Variants in VPS13D observed in about 807,000 individuals in gnomAD.
The protein encoded by VPS13D is intermembrane lipid transfer protein VPS13D.
VPS13D carries 187 observed loss-of-function variants against 461.9 expected under a neutral mutation model. The ratio of observed to expected loss-of-function variants is 0.40; its 90% confidence interval spans 0.36 to 0.46. The LOEUF (loss-of-function observed/expected upper bound fraction) is 0.46. Ranked by LOEUF, VPS13D falls within the 20% of genes least tolerant of loss-of-function variation. The pLI is 0.60. For synonymous variants in VPS13D, 1,951 were observed against 1,986.3 expected (o/e 0.98, Z 0.47); for missense variants, 4,711 against 5,364.9 (o/e 0.88, Z 3.81).
chr1:12,434,980 C>T (rs1429115616), intron 65 of VPS13D, among the ~76,000 whole-genome samples: 3 of 152,184 alleles, frequency 2.0e-5, no homozygotes, highest in Non-Finnish European at 4.4e-5. Flanking sequence ...GTAGGCTTGT[C>T]AGGCTTGCCA....
chr1:12,507,351 G>A lies in VPS13D; in HGVS notation c.13035+258G>A, dbSNP rs561456598. On this transcript the variant is annotated intron_variant, in intron 69 of 69. Transcript: ENST00000620676. This position sits in a 1 kb window ranked among gnomAD's most constrained non-coding sequence, Gnocchi z 5.3. ...GTTTGTGCCTCAGTTACCCGTAGAT[G>A]TAGTGAGGGTAACAATACTTACTCT... The A allele has an allele frequency of 2.0e-5, 14 of 703,292 alleles. No homozygotes were observed. Among genetic ancestry groups the A allele is most frequent in the South Asian group, 1.9e-4 (14 of 73,280 alleles). 43.6% of individuals were successfully genotyped at this position (703,292 alleles called of 1,614,324 possible).
chr1:12,261,298 T>C (rs1641100731), intron 12 of VPS13D, 149 bp downstream of exon 12: 9 of 927,642 alleles, frequency 9.7e-6, no homozygotes, highest in Non-Finnish European at 1.4e-5. Context: ...TTTTGGGAGA[T>C]ACTCCATTTG....
chr1:12,384,044 T>C (rs754345224), intron 58 of VPS13D, among the ~76,000 whole-genome samples: 20 of 152,106 alleles, frequency 1.3e-4, no homozygotes, highest in Non-Finnish European at 2.5e-4. Context: ...AATGGCATGA[T>C]TAGAAAATTG....
intron 13 of VPS13D, among the ~76,000 whole-genome samples, chr1:12,262,807 G>A (rs942094388): frequency 7.9e-5 from 12 of 151,708 alleles, no homozygotes; most frequent in Admixed American, 5.9e-4. Flanking sequence ...GGGTTCAAGC[G>A]ATTTTCCTGC....
chr1:12,298,271 T>A (rs1009158994), intron 24 of VPS13D, among the ~76,000 whole-genome samples: 12 of 152,180 alleles, frequency 7.9e-5, no homozygotes, highest in African/African-American at 2.9e-4. Context: ...GTTTTATCTT[T>A]TAAAATAACC....
At chr1:12,312,259 G>C (rs1642773243) in intron 29 of VPS13D, among the ~76,000 whole-genome samples, 1 of 152,208 alleles carries the variant, frequency 6.6e-6, no homozygotes, top group African/African-American at 2.4e-5. Context: ...AGCAGCTAGT[G>C]TTTTGATGTG....
At chr1:12,428,843 T>A (rs887673710) in intron 65 of VPS13D, among the ~76,000 whole-genome samples, 1 of 152,198 alleles carries the variant, frequency 6.6e-6, no homozygotes, top group Non-Finnish European at 1.5e-5. Flanking sequence ...TTAGAAAATG[T>A]TTTCTTCTTT....
intron 68 of VPS13D, among the ~76,000 whole-genome samples, chr1:12,503,700 A>C (rs910241621): frequency 1.3e-5 from 2 of 152,206 alleles, no homozygotes; most frequent in Admixed American, 6.5e-5. Context: ...ATAGCAGATC[A>C]GAGAACAGAA....
chr1:12,235,296 C>T (rs539266816), intron 2 of VPS13D, among the ~76,000 whole-genome samples: 9 of 152,196 alleles, frequency 5.9e-5, no homozygotes, highest in South Asian at 2.1e-4. Flanking sequence ...TGTTGCTTTC[C>T]GGCCAGGCGC....
chr1:12,310,352 T>C (rs941618515), intron 27 of VPS13D, among the ~76,000 whole-genome samples: 5 of 152,232 alleles, frequency 3.3e-5, no homozygotes, highest in Non-Finnish European at 7.3e-5. Context: ...CAAAATAACT[T>C]TTCTTATATA....
rs1641822289 is a variant in VPS13D at position 12,282,710 on chromosome 1, G to A, written c.4608G>A (p.Val1536=). ...TTTTTCTCTTTTCAATACAGGTGGT[G>A]TTAGCAAAGCATGTATATGAGCAGG... ...EGKFVNPVQV[V]LAKHVYEQVL... The change falls in exon 21 of 70, where the codon GTG becomes GTA. Residue 1536 remains valine, a synonymous_variant. Coordinates refer to ENST00000620676, the MANE Select transcript of VPS13D (RefSeq NM_015378.4). 6.3e-7 allele frequency: 1 copy of A among 1,599,746 alleles called. No homozygotes were observed. Among genetic ancestry groups the A allele is most frequent in the Non-Finnish European group, 8.6e-7 (1 of 1,169,370 alleles).
intron 49 of VPS13D, among the ~76,000 whole-genome samples, chr1:12,357,307 G>A (rs1021776391): frequency 1.1e-4 from 16 of 152,216 alleles, no homozygotes; most frequent in African/African-American, 2.4e-4. Flanking sequence ...GTAGATTACC[G>A]TTTGAGGCAT....
chr1:12,425,054 C>G (rs1347153901), intron 65 of VPS13D, among the ~76,000 whole-genome samples: 1 of 152,090 alleles, frequency 6.6e-6, no homozygotes, highest in African/African-American at 2.4e-5. Flanking sequence ...CAGTCTTTGG[C>G]CTTTCTTGAA....
intron 42 of VPS13D, 32 bp downstream of exon 42, chr1:12,343,083 A>G (rs1443771146): frequency 3.2e-6 from 5 of 1,562,840 alleles, no homozygotes; most frequent in Non-Finnish European, 4.4e-6. Context: ...TCTTTAAAAA[A>G]AAGAAAGTGG....
At position 12,283,595 on chromosome 1, in the gene VPS13D, C is replaced by CT; in HGVS notation, c.5499dup (p.Gly1834TrpfsTer16). 1 of 1,614,166 alleles carries CT rather than the reference C, an allele frequency of 6.2e-7. No individual in the cohort carries two copies. The highest frequency in any genetic ancestry group is 8.5e-7 in the Non-Finnish European group (1 of 1,180,022). On this transcript the variant is annotated frameshift_variant, in exon 21 of 70. Transcript: ENST00000620676. LOFTEE classifies it high-confidence loss of function. Reference sequence around the variant, plus strand: ...TGCAAACCTGGGTTGTGATATTAGACTTTTTTGGAATCGGCTCCACTGCAG... The same window carrying CT: ...TGCAAACCTGGGTTGTGATATTAGACTTTTTTTGGAATCGGCTCCACTGCAG...
At chr1:12,378,754 C>T (rs1172412038) in intron 56 of VPS13D, among the ~76,000 whole-genome samples, 163 bp downstream of exon 56, 4 of 152,104 alleles carry the variant, frequency 2.6e-5, no homozygotes, top group Admixed American at 6.6e-5. Context: ...TGGGCTTTCC[C>T]TTTAAATATT....
chr1:12,388,581 A>G (rs902146673), intron 60 of VPS13D, among the ~76,000 whole-genome samples: 3 of 127,262 alleles, frequency 2.4e-5, no homozygotes, highest in African/African-American at 8.7e-5. Flanking sequence ...CTCAGGGGGA[A>G]AAAAAAAAAA....
At chr1:12,278,073 A>G (rs779071554) in intron 19 of VPS13D, 35 bp downstream of exon 19, 1 of 1,556,422 alleles carries the variant, frequency 6.4e-7, no homozygotes, top group Non-Finnish European at 8.7e-7. Context: ...TATTTTGTTT[A>G]ATGATTGAAA....
At chr1:12,380,514 C>G (rs2101645113) in intron 57 of VPS13D, among the ~76,000 whole-genome samples, 1 of 152,346 alleles carries the variant, frequency 6.6e-6, no homozygotes, top group Non-Finnish European at 1.5e-5. Context: ...CAGCTACTTT[C>G]TAAGCAAATA....
Sources: allele counts gnomAD v4.1 joint callset (sites outside exome capture counted in the v4.1 genomes callset), GRCh38; gene constraint gnomAD v4.1.1; non-coding constraint Gnocchi (gnomAD v3.1); transcripts MANE v1.5; gene names NCBI Gene and HGNC (gene_info 2026-07-23, HGNC 2026-07-21).